The following RPTOR variants were observed in gnomAD, a reference collection of about 807,000 sequenced individuals.
The protein encoded by RPTOR is regulatory associated protein of MTOR complex 1, also known as regulatory-associated protein of mTOR.
Under a neutral mutation model 169.9 loss-of-function variants are expected in RPTOR, and 21 were observed. That is an observed-to-expected ratio of 0.12 (90% confidence interval 0.09 to 0.18). The LOEUF is 0.18. RPTOR is among the 10% of genes least tolerant of loss of function. The pLI is 1.00. For missense variants in RPTOR, 1,133 were observed against 1,855.9 expected (o/e 0.61, Z 7.16); for synonymous variants, 732 against 753.2 (o/e 0.97, Z 0.46).
At chr17:80,886,712 G>A (rs1050291565) in intron 17 of RPTOR, among the ~76,000 whole-genome samples, 5 of 152,294 alleles carry the variant, frequency 3.3e-5, no homozygotes, top group East Asian at 1.9e-4. Context: ...GGAGCGGTCC[G>A]GCGTCACTCG....
At chr17:80,875,213 G>A (rs1035426513) in intron 13 of RPTOR, among the ~76,000 whole-genome samples, 8 of 152,180 alleles carry the variant, frequency 5.3e-5, no homozygotes, top group African/African-American at 1.2e-4. Flanking sequence ...AAGAAAGCCC[G>A]CCCCGGCCTT....
intron 1 of RPTOR, among the ~76,000 whole-genome samples, chr17:80,586,008 C>T (rs560330754): frequency 1.3e-5 from 2 of 151,974 alleles, no homozygotes; most frequent in Admixed American, 6.5e-5. Context: ...CAGTGGTGGC[C>T]GTGAGCTAAC....
intron 1 of RPTOR, among the ~76,000 whole-genome samples, chr17:80,621,979 C>T (rs1026007475): frequency 1.3e-5 from 2 of 152,208 alleles, no homozygotes; most frequent in African/African-American, 4.8e-5. Context: ...AGATTCGGCC[C>T]GTTAATGCTG....
At position 80,925,593 on chromosome 17, in the gene RPTOR, G is replaced by A. The variant is rs550469400; in HGVS notation, c.2919+113G>A. The stretch of plus-strand genomic sequence containing the variant: ...GCTGTGGGAGCGTCCCATTGTGGTC[G>A]TGGTAGTGATGGTCACGGTTGAGGT... On this transcript the variant is annotated intron_variant, in intron 24 of 33. Transcript: ENST00000306801. 1.2e-4 allele frequency: 102 copies of A among 819,698 alleles called. No homozygotes were observed. The East Asian group carries it at 2.2e-3, about 17-fold the overall frequency. The allele number at this position is 819,698 out of a possible 1,614,324, so 50.8% of individuals were successfully genotyped here.
intron 7 of RPTOR, chr17:80,802,592 C>CAA (rs1222385858): frequency 1.6e-5 from 2 of 124,536 alleles, no homozygotes; most frequent in Non-Finnish European, 3.4e-5. Flanking sequence ...GACTCCATCT[C>CAA]AAAAAAAAAA....
chr17:80,601,447 AG>A (rs1408372258), intron 1 of RPTOR, among the ~76,000 whole-genome samples: 2 of 152,124 alleles, frequency 1.3e-5, no homozygotes, highest in African/African-American at 4.8e-5. Flanking sequence ...ATGGCTGGTC[AG>A]GCCCCGCAGA....
At position 80,820,716 on chromosome 17, in the gene RPTOR, A is replaced by G. The variant is rs1333836873; in HGVS notation, c.891-1485A>G. On this transcript the variant is annotated intron_variant, in intron 7 of 33. Coordinates refer to ENST00000306801, the MANE Select transcript of RPTOR (RefSeq NM_020761.3). The surrounding 1 kb of genome is among the most constrained non-coding windows in gnomAD (Gnocchi z 4.1). ...TCTGAAGCGAGAGCAGACTGGGGAG[A>G]AGGAGGAGGGGCTGAGACGAGTCTC... is the stretch of plus-strand genomic sequence containing the variant. Among the ~76,000 whole-genome samples the G allele has an allele frequency of 1.3e-5, 2 of 152,080 alleles. No homozygotes were observed. The highest frequency in any genetic ancestry group is 6.5e-5 in the Admixed American group (1 of 15,276).
intron 7 of RPTOR, among the ~76,000 whole-genome samples, chr17:80,794,997 A>G (rs1322013181): frequency 6.6e-6 from 1 of 152,218 alleles, no homozygotes; most frequent in East Asian, 1.9e-4. Context: ...ACACGTTCCA[A>G]TCCATAGCAT....
intron 6 of RPTOR, among the ~76,000 whole-genome samples, chr17:80,766,328 C>G (rs969652012): frequency 6.6e-6 from 1 of 152,248 alleles, no homozygotes; most frequent in South Asian, 2.1e-4. Context: ...GCTGGAATTA[C>G]AAGCATGAGG....
At chr17:80,551,311 T>C (rs1478907027) in intron 1 of RPTOR, among the ~76,000 whole-genome samples, 1 of 151,808 alleles carries the variant, frequency 6.6e-6, no homozygotes, top group Admixed American at 6.6e-5. Context: ...GAGAGAGAAA[T>C]AAGGGGACCC....
intron 20 of RPTOR, among the ~76,000 whole-genome samples, chr17:80,899,217 G>T (rs2068445278): frequency 6.6e-6 from 1 of 152,184 alleles, no homozygotes; most frequent in African/African-American, 2.4e-5. Context: ...ATAAATCAAG[G>T]TATTGCCAAG....
chr17:80,895,782 C>T (rs1338463082), intron 20 of RPTOR, among the ~76,000 whole-genome samples: 2 of 152,262 alleles, frequency 1.3e-5, no homozygotes, highest in African/African-American at 2.4e-5. Flanking sequence ...CAGCCTTTGT[C>T]TGTCTGATAG....
intron 3 of RPTOR, among the ~76,000 whole-genome samples, chr17:80,661,835 G>A (rs921792100): frequency 6.6e-6 from 1 of 152,014 alleles, no homozygotes; most frequent in Non-Finnish European, 1.5e-5. Flanking sequence ...CGGAGTTGCC[G>A]CGAGTCTCGT....
intron 3 of RPTOR, among the ~76,000 whole-genome samples, chr17:80,657,816 G>T (rs1289602984): frequency 6.6e-6 from 1 of 152,016 alleles, no homozygotes; most frequent in Non-Finnish European, 1.5e-5. Context: ...TGTGTATCTG[G>T]GGTTAAATCC....
intron 3 of RPTOR, among the ~76,000 whole-genome samples, chr17:80,673,744 G>A (rs1318463406): frequency 2.6e-5 from 4 of 152,200 alleles, no homozygotes; most frequent in African/African-American, 9.7e-5. Context: ...ATTTGTTTGA[G>A]ATTTCTGTCT....
intron 1 of RPTOR, among the ~76,000 whole-genome samples, chr17:80,624,924 A>G (rs983910252): frequency 1.3e-5 from 2 of 152,200 alleles, no homozygotes; most frequent in African/African-American, 4.8e-5. Context: ...GTGTGATCGC[A>G]GCGTTCCCCA....
Position 80,961,395 on chromosome 17 carries a change from C to T in RPTOR, c.3607C>T (p.Arg1203Cys). The change falls in exon 31 of 34, where the codon CGC becomes TGC. Residue 1203 changes from arginine to cysteine, a missense_variant and splice_region_variant. Arg to Cys is a radical substitution (Grantham distance 180, BLOSUM62 -3). Transcript: ENST00000306801. ...YDRRMALSECRVMTYREHTAW... is the reference protein window; with the variant it reads ...YDRRMALSECCVMTYREHTAW... ...CTGAGCGTGCCCCCTCCCCTACAGC[C>T]GCGTCATGACGTACCGGGAGCACAC... 1.3e-6 allele frequency: 2 copies of T among 1,548,286 alleles called. No individual in the cohort carries two copies. Among genetic ancestry groups the T allele is most frequent in the Non-Finnish European group, 8.7e-7 (1 of 1,147,018 alleles).
At chr17:80,710,571 A>ATGTGTGTGTGTGTG (rs59732457) in intron 4 of RPTOR, among the ~76,000 whole-genome samples, 8 of 145,024 alleles carry the variant, frequency 5.5e-5, no homozygotes, top group East Asian at 4.0e-4. Context: ...GGTTATTTGT[A>ATGTGTGTGTGTGTG]TGTGTGTGTG....
At chr17:80,725,411 G>A (rs1290626896) in intron 4 of RPTOR, among the ~76,000 whole-genome samples, 3 of 152,214 alleles carry the variant, frequency 2.0e-5, no homozygotes, top group Non-Finnish European at 2.9e-5. Flanking sequence ...AAGAAGAGAC[G>A]CTTTGATTAG....
Sources: allele counts gnomAD v4.1 joint callset (sites outside exome capture counted in the v4.1 genomes callset), GRCh38; gene constraint gnomAD v4.1.1; non-coding constraint Gnocchi (gnomAD v3.1); transcripts MANE v1.5; gene names NCBI Gene and HGNC (gene_info 2026-07-23, HGNC 2026-07-21).